TRHDE: variants seen among roughly 807,000 people sequenced by gnomAD.
The protein encoded by TRHDE is thyrotropin releasing hormone degrading enzyme.
TRHDE carries 72 observed loss-of-function variants against 125.7 expected under a neutral mutation model. The ratio of observed to expected loss-of-function variants is 0.57; its 90% confidence interval spans 0.47 to 0.70. The LOEUF is 0.70. Ranked by LOEUF, TRHDE falls within the 30% of genes least tolerant of loss-of-function variation. The pLI is 0.00. For missense variants in TRHDE, 1,110 were observed against 1,327.1 expected, an observed-to-expected ratio of 0.84 and a Z score of 2.54; for synonymous variants, 509 against 509.1, an observed-to-expected ratio of 1.00 and a Z score of 0.00.
intron 2 of TRHDE, among the ~76,000 whole-genome samples, chr12:72,142,202 G>A (rs116007256): frequency 0.035 from 5,364 of 152,230 alleles, 165 homozygotes; most frequent in African/African-American, 0.085. Flanking sequence ...GAAGAGTCAT[G>A]GGAAAGAGGT....
intron 2 of TRHDE, among the ~76,000 whole-genome samples, chr12:72,189,765 G>A (rs1877301343): frequency 1.3e-5 from 2 of 152,124 alleles, no homozygotes; most frequent in Admixed American, 1.3e-4. Flanking sequence ...ATTTATGGAG[G>A]GAACCCATAA....
At chr12:72,110,243 C>T (rs542887963) in intron 2 of TRHDE, among the ~76,000 whole-genome samples, 1 of 152,136 alleles carries the variant, frequency 6.6e-6, no homozygotes, top group South Asian at 2.1e-4. Flanking sequence ...CTTGATTACT[C>T]CAAGCGAGGT....
intron 1 of TRHDE, among the ~76,000 whole-genome samples, chr12:72,098,252 G>A (rs889835685): frequency 1.3e-5 from 2 of 152,090 alleles, no homozygotes; most frequent in Admixed American, 1.3e-4. Context: ...TTTTGAAATA[G>A]TTGCAGACTT....
chr12:72,092,429 C>A (rs969909538), intron 1 of TRHDE, among the ~76,000 whole-genome samples: 1 of 152,196 alleles, frequency 6.6e-6, no homozygotes, highest in Non-Finnish European at 1.5e-5. Context: ...TTTTCAAACA[C>A]AAGTGGATGG....
chr12:72,454,502 A>C (rs1044567458), intron 3 of TRHDE, among the ~76,000 whole-genome samples: 2 of 152,208 alleles, frequency 1.3e-5, no homozygotes, highest in Admixed American at 1.3e-4. Context: ...ACCTTGATAC[A>C]TGAACAGAAG....
intron 6 of TRHDE, among the ~76,000 whole-genome samples, chr12:72,533,686 T>G (rs896653534): frequency 6.6e-6 from 1 of 151,510 alleles, no homozygotes; most frequent in Non-Finnish European, 1.5e-5. Context: ...TTATGTTTTA[T>G]TTTTCATCTT....
At chr12:72,454,426 A>G (rs1195176249) in intron 3 of TRHDE, among the ~76,000 whole-genome samples, 1 of 152,174 alleles carries the variant, frequency 6.6e-6, no homozygotes, top group African/African-American at 2.4e-5. Flanking sequence ...TTTTCCCTTG[A>G]AAGTGAACTA....
At position 72,272,716 on chromosome 12, in the gene TRHDE, A is replaced by G. The variant is rs770336752; in HGVS notation, c.73A>G (p.Lys25Glu). The G allele has an allele frequency of 6.0e-5, 84 of 1,404,530 alleles. No individual in the cohort carries two copies. The highest frequency in any genetic ancestry group is 7.6e-5 in the East Asian group (3 of 39,220). The allele number at this position is 1,404,530 out of a possible 1,614,324, so 87.0% of individuals were successfully genotyped here. The stretch of plus-strand genomic sequence containing the variant: ...GAAGAAGAAAAAGAAGAGGAAGAAG[A>G]AGAAGGAGGAGGAGGAGGAGGAGGA... Reference protein sequence around the residue: ...KKKKKKKRKKKKEEEEEEEGA... With the variant: ...KKKKKKKRKKEKEEEEEEEGA... The change falls in exon 1 of 19, where the codon AAG becomes GAG. Residue 25 changes from lysine to glutamate, a missense_variant. By Grantham distance (56) the Lys-to-Glu change is moderately conservative. Around this residue, in one of 5 missense-constraint regions of TRHDE, gnomAD observed 248 missense variants for 240.8 expected, o/e 1.03. Transcript: ENST00000261180. This position sits in a 1 kb window ranked among gnomAD's most constrained non-coding sequence, Gnocchi z 6.7.
intron 2 of TRHDE, among the ~76,000 whole-genome samples, chr12:72,172,064 C>T (rs1327355103): frequency 6.6e-6 from 1 of 152,120 alleles, no homozygotes; most frequent in Non-Finnish European, 1.5e-5. Flanking sequence ...TGAGAAGGAC[C>T]TGCCATATCT....
At chr12:72,453,679 C>T (rs916189121) in intron 3 of TRHDE, among the ~76,000 whole-genome samples, 9 of 152,224 alleles carry the variant, frequency 5.9e-5, no homozygotes, top group African/African-American at 2.2e-4. Flanking sequence ...CCTCCCATCA[C>T]AGGCCCTGAG....
upstream of TRHDE, among the ~76,000 whole-genome samples, chr12:72,271,544 CAG>C (rs1180734513): frequency 1.3e-5 from 2 of 152,126 alleles, no homozygotes; most frequent in Non-Finnish European, 1.5e-5. Context: ...TCTGGTGTGA[CAG>C]AGCGGAGAAA....
At chr12:72,118,143 C>T (rs1875492541) in intron 2 of TRHDE, among the ~76,000 whole-genome samples, 1 of 151,862 alleles carries the variant, frequency 6.6e-6, no homozygotes, top group Non-Finnish European at 1.5e-5. Flanking sequence ...TTGTCTTGTC[C>T]CAGATCTGGG....
intron 1 of TRHDE, among the ~76,000 whole-genome samples, chr12:72,091,084 G>A (rs2139282250): frequency 6.6e-6 from 1 of 152,116 alleles, no homozygotes; most frequent in South Asian, 2.1e-4. Flanking sequence ...ATGTTGCACA[G>A]GCTGGTGTCA....
chr12:72,234,795 C>T (rs3935585), intron 2 of TRHDE, among the ~76,000 whole-genome samples: 50,464 of 152,020 alleles, frequency 0.33, 8,844 homozygotes, highest in Middle Eastern at 0.39. Context: ...AGGTAAACAA[C>T]ACTTGAAGTT....
chr12:72,372,901 A>G (rs1163677245), intron 2 of TRHDE, among the ~76,000 whole-genome samples: 31 of 152,174 alleles, frequency 2.0e-4, no homozygotes, highest in Admixed American at 1.6e-3. Context: ...ATGAACTTTA[A>G]AGTAGGTTTT....
At chr12:72,637,946 G>C (rs1873841238) in intron 15 of TRHDE, among the ~76,000 whole-genome samples, 1 of 152,116 alleles carries the variant, frequency 6.6e-6, no homozygotes, top group South Asian at 2.1e-4. Context: ...TTTTGGAATA[G>C]GTGTGGTGTG....
chr12:72,348,796 A>G (rs1870449466), intron 2 of TRHDE, among the ~76,000 whole-genome samples: 1 of 152,090 alleles, frequency 6.6e-6, no homozygotes, highest in Non-Finnish European at 1.5e-5. Flanking sequence ...ATAGATGGCC[A>G]TGAAAATAAC....
chr12:72,113,408 T>A (rs1472956563), intron 2 of TRHDE, among the ~76,000 whole-genome samples: 1 of 151,388 alleles, frequency 6.6e-6, no homozygotes, highest in Non-Finnish European at 1.5e-5. Flanking sequence ...ATAGATCACT[T>A]GAGGTCAGGA....
chr12:72,281,411 C>T (rs377297750), intron 1 of TRHDE, among the ~76,000 whole-genome samples: 16 of 152,206 alleles, frequency 1.1e-4, no homozygotes, highest in South Asian at 4.2e-4. Flanking sequence ...TGTAACAGTC[C>T]GCTTACTGCA....
Sources: gnomAD v4.1 joint callset for allele counts (sites outside exome capture counted in the v4.1 genomes callset) on GRCh38, gnomAD v4.1.1 for gene constraint, gnomAD v4.1.1 regional missense constraint, Gnocchi (gnomAD v3.1) non-coding constraint, MANE v1.5 for transcripts, NCBI Gene and HGNC (gene_info 2026-07-23, HGNC 2026-07-21) for gene names.